The following PLPPR1 variants were observed in gnomAD, a reference collection of about 807,000 sequenced individuals.
The protein encoded by PLPPR1 is phospholipid phosphatase related 1.
PLPPR1 carries 10 observed loss-of-function variants against 33.1 expected under a neutral mutation model. The ratio of observed to expected loss-of-function variants is 0.30; its 90% CI spans 0.19 to 0.51. The LOEUF is 0.51. PLPPR1 is among the 20% of genes least tolerant of loss of function. The probability of loss-of-function intolerance (pLI) is 0.97; values close to 1 mark genes in which losing one functional copy is unlikely to be tolerated. For synonymous variants in PLPPR1, 151 were observed against 151.0 expected, an observed-to-expected ratio of 1.00 and a Z score of 0.00; for missense variants, 304 against 408.1, an observed-to-expected ratio of 0.74 and a Z score of 2.20.
At chr9:101,075,459 A>G (rs1226383515) in intron 1 of PLPPR1, among the ~76,000 whole-genome samples, 1 of 152,148 alleles carries the variant, frequency 6.6e-6, no homozygotes, top group Non-Finnish European at 1.5e-5. Context: ...TCTAATTACA[A>G]ATGACATGTG....
At chr9:101,249,699 T>C (rs1009399452) in intron 2 of PLPPR1, among the ~76,000 whole-genome samples, 1 of 152,092 alleles carries the variant, frequency 6.6e-6, no homozygotes, top group Non-Finnish European at 1.5e-5. Context: ...TGTCTGATCG[T>C]TTAGTTAGGT....
intron 2 of PLPPR1, among the ~76,000 whole-genome samples, chr9:101,226,801 G>A (rs1827079661): frequency 6.6e-6 from 1 of 152,048 alleles, no homozygotes; most frequent in African/African-American, 2.4e-5. Flanking sequence ...TATACCTGAA[G>A]GGGCAGGAAG....
intron 2 of PLPPR1, among the ~76,000 whole-genome samples, chr9:101,222,014 A>G (rs1447728677): frequency 6.6e-6 from 1 of 152,224 alleles, no homozygotes; most frequent in Non-Finnish European, 1.5e-5. Flanking sequence ...GCATCAACAT[A>G]TAACAACAAC....
intron 2 of PLPPR1, among the ~76,000 whole-genome samples, chr9:101,209,112 C>T (rs571907679): frequency 1.3e-5 from 2 of 152,346 alleles, no homozygotes; most frequent in African/African-American, 4.8e-5. Context: ...ATTCTCAACA[C>T]CCACTTCAAA....
chr9:101,089,219 A>G (rs1363331132), intron 1 of PLPPR1, among the ~76,000 whole-genome samples: 1 of 152,124 alleles, frequency 6.6e-6, no homozygotes, highest in African/African-American at 2.4e-5. Context: ...CATTTTACAG[A>G]TTATTAAATA....
intron 1 of PLPPR1, among the ~76,000 whole-genome samples, chr9:101,042,120 C>T (rs1472708522): frequency 6.6e-6 from 1 of 152,104 alleles, no homozygotes; most frequent in Admixed American, 6.5e-5. Flanking sequence ...GATTGCCTGA[C>T]ATTACAACAA....
chr9:101,102,245 C>T (rs1830913587), intron 1 of PLPPR1, among the ~76,000 whole-genome samples: 1 of 124,194 alleles, frequency 8.1e-6, no homozygotes, highest in South Asian at 3.0e-4. Context: ...GCTGCACCCA[C>T]TAACTCGTCA....
intron 4 of PLPPR1, among the ~76,000 whole-genome samples, chr9:101,303,259 C>T (rs905776925): frequency 2.1e-4 from 32 of 151,642 alleles, no homozygotes; most frequent in Admixed American, 1.2e-3. Context: ...GCTGGGATTA[C>T]GGGGACAAGC....
chr9:101,138,967 T>C (rs1831412641), intron 1 of PLPPR1, among the ~76,000 whole-genome samples: 1 of 152,184 alleles, frequency 6.6e-6, no homozygotes, highest in South Asian at 2.1e-4. Context: ...TGTCTTTTCA[T>C]ATTAAGGGAA....
Position 101,309,278 on chromosome 9 carries a change from C to T in PLPPR1, c.453C>T (p.His151=), listed in dbSNP as rs201543909. 25 of 1,614,066 alleles carry T rather than the reference C, an allele frequency of 1.5e-5. No individual in the cohort carries two copies. The highest frequency in any genetic ancestry group is 1.9e-5 in the Non-Finnish European group (22 of 1,180,044). ...ACGCCGGACAAGTGGTCACTGGGCA[C>T]TTAACGCCATACTTCCTGACTGTGT... The part of the protein sequence containing the change: ...FVNAGQVVTG[H]LTPYFLTVCK... The change falls in exon 5 of 8, where the codon CAC becomes CAT. Residue 151 remains histidine (H), a synonymous_variant. Coordinates refer to ENST00000374874, the MANE Select transcript of PLPPR1 (RefSeq NM_207299.2).
intron 1 of PLPPR1, among the ~76,000 whole-genome samples, chr9:101,126,726 TA>T (rs1210457282): frequency 3.3e-5 from 5 of 152,318 alleles, no homozygotes; most frequent in Non-Finnish European, 7.4e-5. Context: ...GACAGGCTAG[TA>T]AAACATACTT....
chr9:101,137,460 G>T (rs1831390527), intron 1 of PLPPR1, among the ~76,000 whole-genome samples: 1 of 152,190 alleles, frequency 6.6e-6, no homozygotes. Flanking sequence ...TATAGTTAGG[G>T]ACACTGATAG....
At chr9:101,192,672 CACACACAT>C (rs1016110530) in intron 2 of PLPPR1, among the ~76,000 whole-genome samples, 4 of 152,138 alleles carry the variant, frequency 2.6e-5, no homozygotes, top group Non-Finnish European at 5.9e-5. Context: ...ATGAAACACA[CACACACAT>C]ACACACATAC....
chr9:101,077,984 C>T (rs1040583865), intron 1 of PLPPR1, among the ~76,000 whole-genome samples: 2 of 149,702 alleles, frequency 1.3e-5, no homozygotes, highest in African/African-American at 4.9e-5. Context: ...CCTTTTCATA[C>T]CTTTGATGAG....
intron 2 of PLPPR1, among the ~76,000 whole-genome samples, chr9:101,257,303 A>G (rs1827819520): frequency 6.6e-6 from 1 of 152,176 alleles, no homozygotes; most frequent in Non-Finnish European, 1.5e-5. Flanking sequence ...GAACACATTT[A>G]TATGAAACCA....
At chr9:101,321,880 G>T (rs1829157642) in intron 7 of PLPPR1, among the ~76,000 whole-genome samples, 2 of 146,704 alleles carry the variant, frequency 1.4e-5, no homozygotes, top group Admixed American at 6.8e-5. Flanking sequence ...CTTAAACCTG[G>T]TGCCTTACTT....
Position 101,324,629 on chromosome 9 carries a change from C to T in PLPPR1, c.*572C>T, listed in dbSNP as rs1251916150. The T allele has an allele frequency of 6.6e-6, 1 of 152,282 alleles. No individual in the cohort carries two copies. The highest frequency in any genetic ancestry group is 1.5e-5 in the Non-Finnish European group (1 of 68,096). The allele number at this position is 152,282 out of a possible 1,614,324, so 9.4% of individuals were successfully genotyped here. A position where few individuals can be genotyped will look rare whatever the true frequency, so the allele number is the denominator to read the frequency against. On this transcript the variant is annotated 3_prime_UTR_variant, in exon 8 of 8. Transcript: ENST00000374874. ...ATATTAACAAAGTCACCTAGTTATA[C>T]AAACAATTGTCAGAGAATTCTGGAT...
intron 1 of PLPPR1, among the ~76,000 whole-genome samples, chr9:101,163,257 AACTGAACT>A (rs1825795017): frequency 6.6e-6 from 1 of 152,220 alleles, no homozygotes; most frequent in Non-Finnish European, 1.5e-5. Flanking sequence ...AAAAATAGAG[AACTGAACT>A]ACAAATGCTG....
chr9:101,074,915 T>C (rs1263867598), intron 1 of PLPPR1, among the ~76,000 whole-genome samples: 1 of 152,150 alleles, frequency 6.6e-6, no homozygotes, highest in Non-Finnish European at 1.5e-5. Context: ...TAAAGTGCAG[T>C]GTTTTACTTT....
Sources: allele counts gnomAD v4.1 joint callset (sites outside exome capture counted in the v4.1 genomes callset), GRCh38; gene constraint gnomAD v4.1.1; transcripts MANE v1.5; gene names NCBI Gene and HGNC (gene_info 2026-07-23, HGNC 2026-07-21).